MED16: variants seen among roughly 807,000 people sequenced by gnomAD.
MED16 encodes the protein mediator of RNA polymerase II transcription subunit 16.
In MED16, 81 loss-of-function variants were observed where a neutral mutation model predicts 84.4. That is an observed-to-expected ratio of 0.96 (90% confidence interval 0.80 to 1.15). The LOEUF (loss-of-function observed/expected upper bound fraction) is 1.15, where lower values mean the gene tolerates loss of function less well. MED16 is among the 50% of genes most tolerant of loss of function. MED16 has a pLI of 0.00. For synonymous variants in MED16, 897 were observed against 552.2 expected (o/e 1.62, Z -8.76); for missense variants, 1,585 against 1,245.9 (o/e 1.27, Z -4.10).
At chr19:868,592 C>T (rs1034796341) in intron 14 of MED16, 93 bp from the exon 15 acceptor site, 25 of 1,503,034 alleles carry the variant, frequency 1.7e-5, no homozygotes, top group Non-Finnish European at 2.2e-5. Context: ...TCTCCCTCTG[C>T]TCGCCGTCCC....
At chr19:871,652 T>C (rs1444022755) in intron 12 of MED16, 2 of 1,587,528 alleles carry the variant, frequency 1.3e-6, no homozygotes, top group Admixed American at 1.7e-5. Context: ...AGCATGGACC[T>C]GTGCTAGGAA....
At chr19:884,301 C>G (rs1204687484) in intron 6 of MED16, among the ~76,000 whole-genome samples, 1 of 152,160 alleles carries the variant, frequency 6.6e-6, no homozygotes, top group Non-Finnish European at 1.5e-5. Flanking sequence ...CTGCTTCGCT[C>G]CAGCCCCAGG....
chr19:886,064 G>T lies in MED16; in HGVS notation c.585C>A (p.Pro195=). ...CGGTGGACGTCAGCACCTGCCCGCT[G>T]GGCTTCAGCAGGGACACGGTGACCA... ...SGLVTVSLLK[P]SGQVLTSTES... Residue 195 remains proline (P), a synonymous_variant, in exon 5 of 16, where the codon CCC becomes CCA. Transcript: ENST00000325464. 1 of 1,595,968 alleles carries T rather than the reference G, an allele frequency of 6.3e-7. No homozygotes were observed. Among genetic ancestry groups the T allele is most frequent in the Non-Finnish European group, 8.5e-7 (1 of 1,175,228 alleles).
chr19:875,295 T>C lies in MED16; in HGVS notation c.1720A>G (p.Lys574Glu), dbSNP rs1177197296. The change falls in exon 10 of 16, where the codon AAG (lysine) becomes GAG (glutamate). Residue 574 changes from lysine to glutamate, a missense_variant. Lys to Glu is a moderately conservative substitution (Grantham distance 56, BLOSUM62 1). Coordinates refer to ENST00000325464, the MANE Select transcript of MED16 (RefSeq NM_005481.3). ...LRPHFLNTPDKSPGDRLTEIC... is the reference protein window; with the variant it reads ...LRPHFLNTPDESPGDRLTEIC... Reference sequence around the variant, plus strand: ...TCGGTCAGCCGGTCGCCGGGGCTCTTGTCAGGCGTGTTGAGAAAGTGGGGG... The same window carrying C: ...TCGGTCAGCCGGTCGCCGGGGCTCTCGTCAGGCGTGTTGAGAAAGTGGGGG... 1 of 1,510,336 alleles carries C rather than the reference T, an allele frequency of 6.6e-7. No individual in the cohort carries two copies. Among genetic ancestry groups the C allele is most frequent in the Non-Finnish European group, 8.8e-7 (1 of 1,134,330 alleles). The allele number at this position is 1,510,336 out of a possible 1,614,324, so 93.6% of individuals were successfully genotyped here.
chr19:870,040 C>A (rs1337147409), intron 13 of MED16, among the ~76,000 whole-genome samples: 5 of 152,202 alleles, frequency 3.3e-5, no homozygotes, highest in Admixed American at 3.3e-4. Context: ...CCAAACCCCG[C>A]ACATTCCAGA....
intron 1 of MED16, 114 bp from the exon 2 acceptor site, chr19:891,263 T>C: frequency 9.4e-7 from 1 of 1,068,176 alleles, no homozygotes; most frequent in Non-Finnish European, 1.3e-6. Flanking sequence ...GAACAGCCGA[T>C]GCAAAGGCCC....
chr19:883,764 C>A (rs1259355332), intron 6 of MED16, among the ~76,000 whole-genome samples: 3 of 152,110 alleles, frequency 2.0e-5, no homozygotes, highest in Non-Finnish European at 2.9e-5. Context: ...GTCTGTGCAG[C>A]CACACGGGGT....
At chr19:872,951 G>A (rs113031277) in intron 11 of MED16, 1 of 949,054 alleles carries the variant, frequency 1.1e-6, no homozygotes, top group African/African-American at 2.1e-5. Context: ...CGAGGTGGGG[G>A]AGGGCTCCGA....
chr19:875,190 T>TA (rs2036200552), intron 10 of MED16, 54 bp downstream of exon 10: 1 of 1,207,304 alleles, frequency 8.3e-7, no homozygotes, highest in African/African-American at 1.6e-5. Flanking sequence ...TAAATAAAAA[T>TA]AAAATAAATA....
At position 881,734 on chromosome 19, in the gene MED16, A is replaced by G. The variant is rs372337956; in HGVS notation, c.986-20T>C. On this transcript the variant is annotated intron_variant, in intron 6 of 15. Coordinates refer to ENST00000325464, the MANE Select transcript of MED16 (RefSeq NM_005481.3). ...CGCCAACTGAAAAATCAGGGGCAGG[A>G]AAACAGGAAGGCAATGGAGTAAAGA... The G allele has an allele frequency of 1.2e-5, 19 of 1,606,410 alleles. No homozygotes were observed. The highest frequency in any genetic ancestry group is 1.6e-5 in the Non-Finnish European group (19 of 1,175,406).
At chr19:887,170 A>C (rs530533298) in intron 4 of MED16, among the ~76,000 whole-genome samples, 1 of 151,996 alleles carries the variant, frequency 6.6e-6, no homozygotes, top group Non-Finnish European at 1.5e-5. Context: ...GTACGGCTCC[A>C]TTCTAAGTTA....
intron 10 of MED16, among the ~76,000 whole-genome samples, chr19:874,110 G>A (rs533702934): frequency 3.1e-4 from 47 of 152,034 alleles, no homozygotes; most frequent in Non-Finnish European, 5.9e-4. Context: ...CCAGACAAAC[G>A]ATAACCCTAA....
chr19:881,384 C>T (rs2036420187), intron 7 of MED16, among the ~76,000 whole-genome samples, 175 bp downstream of exon 7: 1 of 152,160 alleles, frequency 6.6e-6, no homozygotes, highest in Non-Finnish European at 1.5e-5. Flanking sequence ...TGAGATCTGC[C>T]TCCTAATTGG....
At chr19:872,200 C>CA in intron 11 of MED16, 82 bp from the exon 12 acceptor site, 1 of 1,236,528 alleles carries the variant, frequency 8.1e-7, no homozygotes, top group Non-Finnish European at 1.1e-6. Context: ...TCGGTGGAAC[C>CA]CCGACCGGGG....
At chr19:868,639 C>CCT in intron 14 of MED16, 140 bp from the exon 15 acceptor site, 1 of 1,244,914 alleles carries the variant, frequency 8.0e-7, no homozygotes. Context: ...TGCCACAGGG[C>CCT]CTCTGCCCAT....
intron 1 of MED16, chr19:892,310 C>T (rs2036653541): frequency 6.4e-6 from 1 of 157,362 alleles, no homozygotes; most frequent in Non-Finnish European, 1.4e-5. Context: ...CCTTTGCTTC[C>T]CACACTTCAT....
chr19:889,596 C>T (rs1201516697), intron 4 of MED16, 42 bp downstream of exon 4: 2 of 1,570,124 alleles, frequency 1.3e-6, no homozygotes, highest in African/African-American at 1.3e-5. Context: ...GGTAGGGTGA[C>T]ATCTCATCTG....
chr19:875,291 CTCT>C lies in MED16; in HGVS notation c.1721_1723del (p.Lys574del). On this transcript the variant is annotated inframe_deletion, in exon 10 of 16. Transcript: ENST00000325464. Reference sequence around the variant, plus strand: ...GATCTCGGTCAGCCGGTCGCCGGGGCTCTTGTCAGGCGTGTTGAGAAAGTGGGG... The same window carrying C: ...GATCTCGGTCAGCCGGTCGCCGGGGCTGTCAGGCGTGTTGAGAAAGTGGGG... 2 of 1,332,058 alleles carry C rather than the reference CTCT, an allele frequency of 1.5e-6. No homozygotes were observed. Among genetic ancestry groups the C allele is most frequent in the Non-Finnish European group, 1.9e-6 (2 of 1,034,242 alleles). 82.5% of individuals were successfully genotyped at this position (1,332,058 alleles called of 1,614,324 possible).
chr19:884,128 C>T (rs2036476791), intron 6 of MED16, among the ~76,000 whole-genome samples: 1 of 152,194 alleles, frequency 6.6e-6, no homozygotes, highest in Admixed American at 6.5e-5. Flanking sequence ...CTGGCCACTC[C>T]AGGGTCCATT....
Sources: allele counts gnomAD v4.1 joint callset (sites outside exome capture counted in the v4.1 genomes callset), GRCh38; gene constraint gnomAD v4.1.1; transcripts MANE v1.5; gene names NCBI Gene and HGNC (gene_info 2026-07-23, HGNC 2026-07-21).